Variants in EFNA5 observed in about 807,000 individuals in gnomAD.
EFNA5 encodes ephrin A5.
EFNA5 carries 5 observed loss-of-function variants against 22.9 expected under a neutral mutation model. That is an observed-to-expected ratio of 0.22 (90% confidence interval 0.11 to 0.46). The LOEUF is 0.46. Ranked by LOEUF, EFNA5 falls within the 20% of genes least tolerant of loss-of-function variation. The pLI, the probability that EFNA5 is intolerant of heterozygous loss-of-function variation, is 0.99. For missense variants in EFNA5, 237 were observed against 293.3 expected (o/e 0.81, Z 1.40); for synonymous variants, 113 against 112.2 (o/e 1.01, Z -0.04).
chr5:107,496,350 AAAAC>A (rs1746985136), intron 1 of EFNA5, among the ~76,000 whole-genome samples: 2 of 149,676 alleles, frequency 1.3e-5, no homozygotes, highest in Non-Finnish European at 1.5e-5. Flanking sequence ...AAAAAAAAAA[AAAAC>A]AAAAAAACAA....
chr5:107,414,357 G>A (rs1580435235), intron 2 of EFNA5, among the ~76,000 whole-genome samples: 1 of 152,186 alleles, frequency 6.6e-6, no homozygotes, highest in East Asian at 1.9e-4. Context: ...TTTATGGAAA[G>A]TGCTAATCTT....
rs576089558 is a variant in EFNA5, at chr5:107,420,300, C to T, written c.418+6917G>A. 5.9e-5 allele frequency among the ~76,000 whole-genome samples: 9 copies of T among 152,024 alleles called. No individual in the cohort carries two copies. In the South Asian group the frequency reaches 1.9e-3, roughly 32 times the overall value. The stretch of plus-strand genomic sequence containing the variant: ...TTCAAAAAATGCAAAACTTTTTGGA[C>T]TTGGATTACTGAAGTTGTTATTTTG... On this transcript the variant is annotated intron_variant, in intron 2 of 4. Coordinates refer to ENST00000333274, the MANE Select transcript of EFNA5 (RefSeq NM_001962.3).
At chr5:107,608,551 T>C (rs2112518625) in intron 1 of EFNA5, among the ~76,000 whole-genome samples, 1 of 152,360 alleles carries the variant, frequency 6.6e-6, no homozygotes, top group South Asian at 2.1e-4. Flanking sequence ...ATTCCCTTTG[T>C]CCCCTGCATG....
intron 1 of EFNA5, among the ~76,000 whole-genome samples, chr5:107,633,728 G>A (rs1580571681): frequency 6.6e-6 from 1 of 152,204 alleles, no homozygotes; most frequent in Non-Finnish European, 1.5e-5. Context: ...GGGGACAGCA[G>A]GGAGCACATT....
intron 1 of EFNA5, among the ~76,000 whole-genome samples, chr5:107,558,073 T>C (rs577851590): frequency 1.3e-5 from 2 of 152,234 alleles, no homozygotes; most frequent in African/African-American, 4.8e-5. Context: ...CTGTTATTAT[T>C]TTGCATTTTA....
chr5:107,521,735 A>G lies in EFNA5; in HGVS notation c.126-94226T>C, dbSNP rs978061987. On this transcript the variant is annotated intron_variant, in intron 1 of 4. Transcript: ENST00000333274. ...AAGATCAAAACCCAATATTCAAAGT[A>G]TAGTTTTGACTGAATGTGTGTCCCT... Among the ~76,000 whole-genome samples the G allele has an allele frequency of 2.0e-5, 3 of 152,172 alleles. No homozygotes were observed. The South Asian group carries it at 6.2e-4, about 31-fold the overall frequency.
intron 1 of EFNA5, among the ~76,000 whole-genome samples, chr5:107,527,967 T>C (rs1436732661): frequency 6.6e-6 from 1 of 152,150 alleles, no homozygotes; most frequent in Non-Finnish European, 1.5e-5. Flanking sequence ...TCTCTACAAA[T>C]GTTACTTCAG....
intron 1 of EFNA5, among the ~76,000 whole-genome samples, chr5:107,617,089 T>C (rs1363664132): frequency 6.6e-6 from 1 of 152,070 alleles, no homozygotes; most frequent in Non-Finnish European, 1.5e-5. Flanking sequence ...ACTGCATATC[T>C]TCAGCTTTAA....
chr5:107,471,078 C>G (rs1183836222), intron 1 of EFNA5, among the ~76,000 whole-genome samples: 2 of 152,138 alleles, frequency 1.3e-5, no homozygotes, highest in African/African-American at 4.8e-5. Flanking sequence ...TCTCACTTGT[C>G]TCCTTATCGC....
intron 1 of EFNA5, among the ~76,000 whole-genome samples, chr5:107,557,913 C>T (rs1489819452): frequency 6.6e-6 from 1 of 152,092 alleles, no homozygotes; most frequent in East Asian, 1.9e-4. Context: ...TGGGTTCAGA[C>T]AATTTCTCAA....
rs1466768800 is a variant in EFNA5, at chr5:107,499,078, C to T, written c.126-71569G>A. Reference sequence around the variant, plus strand: ...CCTGCTTTGCTCTCTTCTCCTTTTTCATTATCATAACCAAATAGCAAGCAC... The same window carrying T: ...CCTGCTTTGCTCTCTTCTCCTTTTTTATTATCATAACCAAATAGCAAGCAC... On this transcript the variant is annotated intron_variant, in intron 1 of 4. Transcript: ENST00000333274. Among the ~76,000 whole-genome samples, 3 of 152,062 alleles carry T rather than the reference C, an allele frequency of 2.0e-5. No homozygotes were observed. In the South Asian group the frequency reaches 6.2e-4, roughly 31 times the overall value.
chr5:107,414,647 A>T (rs1187432311), intron 2 of EFNA5, among the ~76,000 whole-genome samples: 1 of 152,172 alleles, frequency 6.6e-6, no homozygotes, highest in Non-Finnish European at 1.5e-5. Context: ...GAGTTTAATA[A>T]AGGGGTTTTA....
At position 107,428,214 on chromosome 5, in the gene EFNA5, C is replaced by A. The variant is rs369320874; in HGVS notation, c.126-705G>T. ...ACGTCAGAAACTTATTTTAGTGCAT[C>A]TCGATTTTGATGCAGCATCTTTTCC... On this transcript the variant is annotated intron_variant, in intron 1 of 4. Coordinates refer to ENST00000333274, the MANE Select transcript of EFNA5 (RefSeq NM_001962.3). Among the ~76,000 whole-genome samples, 396 of 152,330 alleles carry A rather than the reference C, an allele frequency of 2.6e-3. 4 individuals carry two copies. Among genetic ancestry groups the A allele is most frequent in the African/African-American group, 9.1e-3 (377 of 41,570 alleles).
intron 1 of EFNA5, among the ~76,000 whole-genome samples, chr5:107,496,690 A>G (rs1746994194): frequency 6.6e-6 from 1 of 152,226 alleles, no homozygotes; most frequent in East Asian, 1.9e-4. Flanking sequence ...GCTAAGCAAT[A>G]AAGTGCGCTT....
chr5:107,569,447 ATG>A lies in EFNA5; in HGVS notation c.125+101040_125+101041del, dbSNP rs779864596. On this transcript the variant is annotated intron_variant, in intron 1 of 4. Transcript: ENST00000333274. ...TATGTGTGTATATATATATTTATAT[ATG>A]TGTGTGTATATATATTTATATATAT... Among the ~76,000 whole-genome samples the A allele has an allele frequency of 9.5e-3, 1,352 of 142,006 alleles. 3 individuals are homozygous for A. Among genetic ancestry groups the A allele is most frequent in the South Asian group, 0.026 (123 of 4,672 alleles). The allele number at this position is 142,006 out of a possible 152,430, so 93.2% of individuals were successfully genotyped here. A position where few individuals can be genotyped will look rare whatever the true frequency, so the allele number is the denominator to read the frequency against.
At chr5:107,518,366 C>G (rs1214607716) in intron 1 of EFNA5, among the ~76,000 whole-genome samples, 1 of 151,836 alleles carries the variant, frequency 6.6e-6, no homozygotes, top group Non-Finnish European at 1.5e-5. Context: ...CTGTGATTGA[C>G]AGGATTTTGG....
At chr5:107,666,373 C>T (rs896352949) in intron 1 of EFNA5, among the ~76,000 whole-genome samples, 1 of 152,060 alleles carries the variant, frequency 6.6e-6, no homozygotes, top group African/African-American at 2.4e-5. Context: ...TTGACCTGTA[C>T]TGCCAGAGGA....
chr5:107,388,579 T>C (rs1747699920), intron 2 of EFNA5: 1 of 152,190 alleles, frequency 6.6e-6, no homozygotes, highest in Admixed American at 6.5e-5. Context: ...ACTTTCCCTA[T>C]GGTTGAAAGA....
intron 2 of EFNA5, among the ~76,000 whole-genome samples, chr5:107,389,630 C>G (rs3797510): frequency 0.18 from 26,723 of 152,040 alleles, 2,617 homozygotes; most frequent in East Asian, 0.33. Context: ...GGATTTAGTA[C>G]AGGTCTTTCA....
Sources: gnomAD v4.1 joint callset for allele counts (sites outside exome capture counted in the v4.1 genomes callset) on GRCh38, gnomAD v4.1.1 for gene constraint, MANE v1.5 for transcripts, NCBI Gene and HGNC (gene_info 2026-07-23, HGNC 2026-07-21) for gene names.